CFAP74: variants seen among roughly 807,000 people sequenced by gnomAD.
The protein encoded by CFAP74 is cilia- and flagella-associated protein 74.
A neutral mutation model predicts 188.9 loss-of-function variants in CFAP74; 124 were observed. The ratio of observed to expected loss-of-function variants is 0.66; its 90% confidence interval spans 0.57 to 0.76. The LOEUF (loss-of-function observed/expected upper bound fraction) is 0.76, where lower values mean the gene tolerates loss of function less well. CFAP74 is among the 30% of genes least tolerant of loss of function. CFAP74 has a pLI of 0.00. For missense variants in CFAP74, 2,198 were observed against 2,165.2 expected (o/e 1.02, Z -0.30); for synonymous variants, 956 against 916.7 (o/e 1.04, Z -0.77).
intron 25 of CFAP74, among the ~76,000 whole-genome samples, chr1:1,936,492 C>T (rs534369668): frequency 7.9e-4 from 120 of 151,796 alleles, no homozygotes; most frequent in Middle Eastern, 3.4e-3. Flanking sequence ...TGCAGTGAGC[C>T]GAGATCATGC....
In CFAP74 at chr1:1,923,957, C is replaced by T. The variant is rs370861639; in HGVS notation, c.4235-28G>A. On this transcript the variant is annotated intron_variant, in intron 34 of 38. Transcript: ENST00000682832. The surrounding 1 kb of genome is among the most constrained non-coding windows in gnomAD (Gnocchi z 6.3). The stretch of plus-strand genomic sequence containing the variant: ...GCGGGTAGGGTGGGGTGCAGTTTGG[C>T]CTTCTCCACCTGCAATCACTGTCTG... 2.0e-5 allele frequency: 32 copies of T among 1,586,680 alleles called. No homozygotes were observed. In the African/African-American group the frequency reaches 3.0e-4, roughly 15 times the overall value.
intron 2 of CFAP74, 91 bp downstream of exon 2, chr1:1,990,799 G>C (rs1164258110): frequency 1.1e-6 from 1 of 935,652 alleles, no homozygotes; most frequent in Non-Finnish European, 1.6e-6. Context: ...CCCTCTCCCA[G>C]AAATAAAGGG....
chr1:1,983,212 G>A (rs574724478), intron 6 of CFAP74, among the ~76,000 whole-genome samples: 38 of 152,310 alleles, frequency 2.5e-4, no homozygotes, highest in South Asian at 1.2e-3. Context: ...TCACCCCTTA[G>A]AAGCCATCAC....
intron 33 of CFAP74, 122 bp from the exon 34 acceptor site, chr1:1,924,642 C>T (rs1651711155): frequency 9.2e-7 from 1 of 1,087,384 alleles, no homozygotes; most frequent in African/African-American, 1.6e-5. Flanking sequence ...CCCGGGTGGC[C>T]TGATGACGCC....
chr1:1,944,129 G>T (rs1214338936), intron 21 of CFAP74, among the ~76,000 whole-genome samples: 1 of 152,212 alleles, frequency 6.6e-6, no homozygotes, highest in African/African-American at 2.4e-5. Context: ...CTGGACAGCA[G>T]CCGTGGCAGC....
chr1:1,930,779 C>G (rs941540892), intron 25 of CFAP74, among the ~76,000 whole-genome samples: 1 of 152,172 alleles, frequency 6.6e-6, no homozygotes, highest in Non-Finnish European at 1.5e-5. Flanking sequence ...AAGGAAATTT[C>G]TAGCTTATTT....
chr1:1,930,275 G>T lies in CFAP74; in HGVS notation c.3073C>A (p.Gln1025Lys), dbSNP rs1468566142. The change falls in exon 26 of 39, where the codon CAG (glutamine) becomes AAG (lysine). Residue 1025 changes from glutamine (Q) to lysine (K), a missense_variant. Gln to Lys is a moderately conservative substitution (Grantham distance 53). Transcript: ENST00000682832. The part of the protein sequence containing the change: ...VHPPLELSHY[Q>K]IKFAATALYD... ...AGGGCCGTGGCGGCAAACTTGATCTGGTAGTGGGACAGCTCCAGGGGTGGG... is the reference window on the plus strand; with the variant it reads ...AGGGCCGTGGCGGCAAACTTGATCTTGTAGTGGGACAGCTCCAGGGGTGGG... 6.5e-7 allele frequency: 1 copy of T among 1,535,556 alleles called. No homozygotes were observed. The highest frequency in any genetic ancestry group is 1.4e-5 in the African/African-American group (1 of 73,140).
chr1:1,995,492 A>G (rs923280272), intron 1 of CFAP74, among the ~76,000 whole-genome samples: 6 of 96,750 alleles, frequency 6.2e-5, no homozygotes, highest in African/African-American at 3.0e-4. Flanking sequence ...ACTCAGTCTC[A>G]AAAAAAAGAA....
chr1:1,980,814 C>A (rs1042391304), intron 6 of CFAP74, among the ~76,000 whole-genome samples: 1 of 151,856 alleles, frequency 6.6e-6, no homozygotes, highest in Non-Finnish European at 1.5e-5. Context: ...CAAGCCCAAC[C>A]CCCTGCCCAG....
chr1:2,001,908 G>C (rs2102125064), intron 1 of CFAP74, among the ~76,000 whole-genome samples: 1 of 152,318 alleles, frequency 6.6e-6, no homozygotes, highest in Middle Eastern at 3.4e-3. Flanking sequence ...TCAGGGTCAT[G>C]ACAGCCAAAG....
At chr1:1,970,432 G>A (rs1160807952) in intron 10 of CFAP74, among the ~76,000 whole-genome samples, 8 of 152,220 alleles carry the variant, frequency 5.3e-5, no homozygotes, top group Non-Finnish European at 1.5e-5. Context: ...AGGGGCCGAG[G>A]GTTGGGCGTG....
chr1:1,954,893 GGGCAGTGCAGAAC>G lies in CFAP74; in HGVS notation c.2176+785_2176+797del, dbSNP rs1312712085. 21 of 1,159,612 alleles carry G rather than the reference GGGCAGTGCAGAAC, an allele frequency of 1.8e-5. No individual in the cohort carries two copies. In the African/African-American group the frequency reaches 3.7e-4, roughly 21 times the overall value. 71.8% of individuals were successfully genotyped at this position (1,159,612 alleles called of 1,614,324 possible). ...TGTGGGAACTCACACACAGGCCAAG[GGGCAGTGCAGAAC>G]GGCCTTCGCAACAGTGTGTACCACG... On this transcript the variant is annotated intron_variant, in intron 18 of 38. Coordinates refer to ENST00000682832, the MANE Select transcript of CFAP74 (RefSeq NM_001304360.2).
chr1:1,965,429 C>T (rs1655402340), intron 12 of CFAP74, among the ~76,000 whole-genome samples: 1 of 152,206 alleles, frequency 6.6e-6, no homozygotes, highest in Non-Finnish European at 1.5e-5. Flanking sequence ...AAAGGTTCTG[C>T]AGGAAGCAGT....
At chr1:1,934,410 G>A (rs59936963) in intron 25 of CFAP74, among the ~76,000 whole-genome samples, 2 of 128,178 alleles carry the variant, frequency 1.6e-5, no homozygotes, top group East Asian at 2.4e-4. Flanking sequence ...AGGTACACAC[G>A]TGTGTACATG....
intron 16 of CFAP74, among the ~76,000 whole-genome samples, chr1:1,957,643 C>G (rs1344694481): frequency 6.6e-6 from 1 of 152,196 alleles, no homozygotes; most frequent in African/African-American, 2.4e-5. Flanking sequence ...CAGCTCTGGC[C>G]AGGACACCTG....
At chr1:1,928,081 C>T (rs1454687920) in intron 27 of CFAP74, among the ~76,000 whole-genome samples, 2 of 152,254 alleles carry the variant, frequency 1.3e-5, no homozygotes, top group Non-Finnish European at 2.9e-5. Flanking sequence ...CCCTCGAGTG[C>T]ACGCCCAGGA....
intron 1 of CFAP74, among the ~76,000 whole-genome samples, chr1:2,000,599 A>C (rs1346253468): frequency 6.6e-6 from 1 of 152,194 alleles, no homozygotes; most frequent in African/African-American, 2.4e-5. Context: ...CTTCCTCTGA[A>C]GGCACGAGGG....
chr1:1,966,152 C>A (rs4648599), intron 12 of CFAP74, among the ~76,000 whole-genome samples: 1 of 152,052 alleles, frequency 6.6e-6, no homozygotes, highest in South Asian at 2.1e-4. Flanking sequence ...TCGTCGAGCA[C>A]GCGTGGTGCC....
intron 33 of CFAP74, among the ~76,000 whole-genome samples, chr1:1,924,970 G>A (rs1003614640): frequency 3.9e-5 from 6 of 151,918 alleles, no homozygotes; most frequent in Non-Finnish European, 8.8e-5. Context: ...ACACTCGTGC[G>A]AAGGCATGAG....
Sources: gnomAD v4.1 joint callset for allele counts (sites outside exome capture counted in the v4.1 genomes callset) on GRCh38, gnomAD v4.1.1 for gene constraint, Gnocchi (gnomAD v3.1) non-coding constraint, MANE v1.5 for transcripts, NCBI Gene and HGNC (gene_info 2026-07-23, HGNC 2026-07-21) for gene names.